The following ZNF804A variants were observed in gnomAD, a reference collection of about 807,000 sequenced individuals.
ZNF804A encodes zinc finger protein 804A.
A neutral mutation model predicts 16.5 loss-of-function variants in ZNF804A; 2 were observed. The observed-to-expected ratio is 0.12, with a 90% CI of 0.05 to 0.38. The LOEUF is 0.38. ZNF804A is among the 10% of genes least tolerant of loss of function. The pLI is 0.99. For synonymous variants in ZNF804A, 534 were observed against 489.6 expected (o/e 1.09, Z -1.20); for missense variants, 1,473 against 1,390.7 (o/e 1.06, Z -0.94).
At chr2:184,875,264 C>A (rs1358068145) in intron 2 of ZNF804A, among the ~76,000 whole-genome samples, 1 of 152,106 alleles carries the variant, frequency 6.6e-6, no homozygotes, top group African/African-American at 2.4e-5. Context: ...AAATTTGATC[C>A]CTGATGTTGG....
chr2:184,863,499 T>C (rs1382386266), intron 1 of ZNF804A, among the ~76,000 whole-genome samples: 2 of 151,754 alleles, frequency 1.3e-5, no homozygotes, highest in African/African-American at 4.8e-5. Context: ...CCCACTTTTG[T>C]AGACTGGGTA....
chr2:184,825,845 C>T (rs968150515), intron 1 of ZNF804A, among the ~76,000 whole-genome samples: 3 of 151,434 alleles, frequency 2.0e-5, no homozygotes, highest in African/African-American at 7.3e-5. Flanking sequence ...GCATCCATGC[C>T]TTTTTATTTT....
chr2:184,817,737 C>T (rs1695004757), intron 1 of ZNF804A, among the ~76,000 whole-genome samples: 1 of 151,886 alleles, frequency 6.6e-6, no homozygotes, highest in Non-Finnish European at 1.5e-5. Context: ...CTGAAAAACA[C>T]AACACAAGAA....
At chr2:184,718,124 A>T (rs1693243841) in intron 1 of ZNF804A, among the ~76,000 whole-genome samples, 1 of 152,206 alleles carries the variant, frequency 6.6e-6, no homozygotes. Flanking sequence ...ATCATGGTGG[A>T]TGGCAAAAGG....
intron 2 of ZNF804A, among the ~76,000 whole-genome samples, chr2:184,903,127 C>T (rs1366840): frequency 0.44 from 67,420 of 151,876 alleles, 17,536 homozygotes; most frequent in East Asian, 0.82. Context: ...GATCTATACT[C>T]TTCTAGTTTT....
chr2:184,692,402 A>G (rs1163357840), intron 1 of ZNF804A, among the ~76,000 whole-genome samples: 1 of 152,220 alleles, frequency 6.6e-6, no homozygotes, highest in African/African-American at 2.4e-5. Flanking sequence ...CCAACCACCC[A>G]TAACTGTCTA....
At chr2:184,914,216 G>C (rs1302921288) in intron 2 of ZNF804A, among the ~76,000 whole-genome samples, 2 of 152,138 alleles carry the variant, frequency 1.3e-5, no homozygotes, top group Non-Finnish European at 2.9e-5. Flanking sequence ...ATACAGGCCA[G>C]CATCTTACAT....
intron 1 of ZNF804A, among the ~76,000 whole-genome samples, chr2:184,852,546 A>G (rs1011058420): frequency 7.1e-6 from 1 of 139,874 alleles, no homozygotes; most frequent in Non-Finnish European, 1.5e-5. Flanking sequence ...GAGATCTCCC[A>G]CCGGCTTTTT....
chr2:184,605,842 A>G (rs1351116760), intron 1 of ZNF804A, among the ~76,000 whole-genome samples: 1 of 152,152 alleles, frequency 6.6e-6, no homozygotes. Context: ...TGATTCATTA[A>G]TTTTATAAAT....
intron 1 of ZNF804A, among the ~76,000 whole-genome samples, chr2:184,767,027 C>T (rs967783884): frequency 2.6e-5 from 4 of 152,052 alleles, no homozygotes; most frequent in South Asian, 4.1e-4. Flanking sequence ...GAGGACACAG[C>T]GAGAAAGCAG....
chr2:184,831,905 G>A (rs577382753), intron 1 of ZNF804A, among the ~76,000 whole-genome samples: 2 of 151,998 alleles, frequency 1.3e-5, no homozygotes, highest in Admixed American at 1.3e-4. Flanking sequence ...TTTTGTTATA[G>A]AAGTCAAAAA....
intron 1 of ZNF804A, among the ~76,000 whole-genome samples, chr2:184,793,543 A>G (rs1266537397): frequency 1.3e-5 from 2 of 152,108 alleles, no homozygotes; most frequent in Admixed American, 1.3e-4. Flanking sequence ...GCAATTTTTC[A>G]TATGACTGTT....
At chr2:184,707,491 C>A (rs932282970) in intron 1 of ZNF804A, among the ~76,000 whole-genome samples, 1 of 152,014 alleles carries the variant, frequency 6.6e-6, no homozygotes, top group African/African-American at 2.4e-5. Flanking sequence ...ATCTTTATGT[C>A]CATGTTTACC....
At chr2:184,663,315 G>A (rs961648112) in intron 1 of ZNF804A, among the ~76,000 whole-genome samples, 1 of 152,142 alleles carries the variant, frequency 6.6e-6, no homozygotes, top group African/African-American at 2.4e-5. Context: ...TCTGAGCCTG[G>A]GCGCTGTCAC....
chr2:184,638,140 T>C (rs888152407), intron 1 of ZNF804A, among the ~76,000 whole-genome samples: 1 of 152,212 alleles, frequency 6.6e-6, no homozygotes, highest in African/African-American at 2.4e-5. Context: ...TGCAACAATA[T>C]AGAGCTGTTA....
At chr2:184,841,218 T>C (rs1168334429) in intron 1 of ZNF804A, among the ~76,000 whole-genome samples, 1 of 152,196 alleles carries the variant, frequency 6.6e-6, no homozygotes, top group Non-Finnish European at 1.5e-5. Context: ...TCCTGATTTG[T>C]TCTCATCCTA....
intron 1 of ZNF804A, among the ~76,000 whole-genome samples, chr2:184,738,962 T>G (rs1018913018): frequency 2.6e-5 from 4 of 152,230 alleles, no homozygotes; most frequent in African/African-American, 9.6e-5. Context: ...ATCTTTGGTT[T>G]GTAGAATCAT....
intron 1 of ZNF804A, among the ~76,000 whole-genome samples, chr2:184,710,996 A>T (rs1693116745): frequency 1.3e-5 from 2 of 151,724 alleles, no homozygotes; most frequent in African/African-American, 4.8e-5. Context: ...GGAGATCATG[A>T]TTTTAATATT....
intron 2 of ZNF804A, among the ~76,000 whole-genome samples, chr2:184,891,757 C>T (rs1684987477): frequency 2.0e-5 from 3 of 151,980 alleles, no homozygotes; most frequent in African/African-American, 4.8e-5. Context: ...ACCTAACAAT[C>T]GACAAAGAAT....
Sources: gnomAD v4.1 joint callset for allele counts (sites outside exome capture counted in the v4.1 genomes callset) on GRCh38, gnomAD v4.1.1 for gene constraint, MANE v1.5 for transcripts, NCBI Gene and HGNC (gene_info 2026-07-23, HGNC 2026-07-21) for gene names.